ANKS1B: variants seen among roughly 807,000 people sequenced by gnomAD.
The protein encoded by ANKS1B is ankyrin repeat and sterile alpha motif domain containing 1B, also known as ankyrin repeat and sterile alpha motif domain-containing protein 1B.
A neutral mutation model predicts 148.3 loss-of-function variants in ANKS1B; 36 were observed. The ratio of observed to expected loss-of-function variants is 0.24; its 90% CI spans 0.19 to 0.32. ANKS1B has a LOEUF of 0.32. ANKS1B is among the 10% of genes least tolerant of loss of function. The pLI is 1.00. For synonymous variants in ANKS1B, 542 were observed against 560.8 expected, an observed-to-expected ratio of 0.97 and a Z score of 0.47; for missense variants, 1,157 against 1,542.6, an observed-to-expected ratio of 0.75 and a Z score of 4.19.
rs1180350417 is a variant in ANKS1B, at chr12:98,794,772, T to C, written c.3342+4162A>G. 6.0e-5 allele frequency: 75 copies of C among 1,257,250 alleles called. No homozygotes were observed. The East Asian group carries it at 1.3e-3, about 22-fold the overall frequency. 77.9% of individuals were successfully genotyped at this position (1,257,250 alleles called of 1,614,324 possible). A position where few individuals can be genotyped will look rare whatever the true frequency, so the allele number is the denominator to read the frequency against. On this transcript the variant is annotated intron_variant, in intron 22 of 26. Coordinates refer to ENST00000683438, the MANE Select transcript of ANKS1B (RefSeq NM_001352186.2). ...AAAACTACTGATGCAATGAAGAGAA[T>C]TGAAGAGATCAAACAGAAACACGAA...
intron 17 of ANKS1B, among the ~76,000 whole-genome samples, chr12:98,858,082 G>GT (rs2099580922): frequency 6.6e-6 from 1 of 152,162 alleles, no homozygotes; most frequent in Non-Finnish European, 1.5e-5. Context: ...TTGTGTACTG[G>GT]TTTTAATAAT....
At chr12:98,975,563 T>G (rs974811366) in intron 17 of ANKS1B, among the ~76,000 whole-genome samples, 1 of 152,104 alleles carries the variant, frequency 6.6e-6, no homozygotes, top group Admixed American at 6.6e-5. Flanking sequence ...GGAGACAGAT[T>G]ATAAACAAAG....
chr12:99,392,866 A>C (rs1009199600), intron 12 of ANKS1B, among the ~76,000 whole-genome samples: 4 of 149,948 alleles, frequency 2.7e-5, no homozygotes, highest in Admixed American at 1.3e-4. Flanking sequence ...AAAAATCATT[A>C]TCTCAACTAT....
intron 9 of ANKS1B, among the ~76,000 whole-genome samples, chr12:99,630,095 T>C (rs961726462): frequency 1.3e-5 from 2 of 152,028 alleles, no homozygotes; most frequent in African/African-American, 2.4e-5. Context: ...AAATATCAGA[T>C]AGGACAAATA....
intron 25 of ANKS1B, among the ~76,000 whole-genome samples, chr12:98,766,352 T>C (rs1014129905): frequency 6.6e-6 from 1 of 152,212 alleles, no homozygotes; most frequent in Non-Finnish European, 1.5e-5. Context: ...GGCCATTTGC[T>C]CCTCTTAGGA....
chr12:98,907,528 T>C (rs2099781019), intron 17 of ANKS1B, among the ~76,000 whole-genome samples: 1 of 152,186 alleles, frequency 6.6e-6, no homozygotes, highest in Admixed American at 6.5e-5. Context: ...AGAGACCAGC[T>C]TGGATTCAGT....
chr12:99,369,003 C>T (rs1420697820), intron 12 of ANKS1B, among the ~76,000 whole-genome samples: 1 of 152,118 alleles, frequency 6.6e-6, no homozygotes, highest in Non-Finnish European at 1.5e-5. Flanking sequence ...ATGATAAACC[C>T]TTACGTGAAA....
At chr12:99,944,389 T>C (rs1163858584) in intron 1 of ANKS1B, among the ~76,000 whole-genome samples, 2 of 152,184 alleles carry the variant, frequency 1.3e-5, no homozygotes, top group African/African-American at 4.8e-5. Flanking sequence ...TCCTTCCCAG[T>C]GGCCCTTGGC....
chr12:99,865,600 C>T, intron 1 of ANKS1B, among the ~76,000 whole-genome samples: 1 of 152,038 alleles, frequency 6.6e-6, no homozygotes, highest in East Asian at 1.9e-4. Context: ...TGTTTACATG[C>T]AACAGTATTT....
rs1008320986 is a variant in ANKS1B at position 99,407,656 on chromosome 12, G to A, written c.1576-7845C>T. 2.7e-5 allele frequency among the ~76,000 whole-genome samples: 4 copies of A among 146,066 alleles called. No homozygotes were observed. In the South Asian group the frequency reaches 8.4e-4, roughly 31 times the overall value. On this transcript the variant is annotated intron_variant, in intron 11 of 26. Coordinates refer to ENST00000683438, the MANE Select transcript of ANKS1B (RefSeq NM_001352186.2). The stretch of plus-strand genomic sequence containing the variant: ...TAGAACTGATAAATTCAGTAAAGTT[G>A]CAGAATACAAAATCAACATACAAAA...
At position 98,801,307 on chromosome 12, in the gene ANKS1B, T is replaced by C. The variant is rs1365403258; in HGVS notation, c.3142-182A>G. ...TATGTATTAGCATATCTCTCAAGGC[T>C]GAGTTAATTTTTGAGGTGTGGAGTT... is the stretch of plus-strand genomic sequence containing the variant. On this transcript the variant is annotated intron_variant, in intron 20 of 26. Transcript: ENST00000683438. This position sits in a 1 kb window ranked among gnomAD's most constrained non-coding sequence, Gnocchi z 5.2. 6.6e-6 allele frequency among the ~76,000 whole-genome samples: 1 copy of C among 152,208 alleles called. No homozygotes were observed. Among genetic ancestry groups the C allele is most frequent in the Middle Eastern group, 3.2e-3 (1 of 316 alleles).
At chr12:98,980,758 A>C (rs1183340590) in intron 17 of ANKS1B, among the ~76,000 whole-genome samples, 1 of 152,122 alleles carries the variant, frequency 6.6e-6, no homozygotes, top group Non-Finnish European at 1.5e-5. Context: ...GTTTCTAGAT[A>C]TTTGCCCCTC....
chr12:99,136,967 G>C (rs182531440), intron 15 of ANKS1B, among the ~76,000 whole-genome samples: 1 of 152,078 alleles, frequency 6.6e-6, no homozygotes, highest in Non-Finnish European at 1.5e-5. Flanking sequence ...TCAATCAAAC[G>C]GCTAACCAGT....
At chr12:99,546,499 T>G (rs988562179) in intron 9 of ANKS1B, among the ~76,000 whole-genome samples, 13 of 152,150 alleles carry the variant, frequency 8.5e-5, no homozygotes, top group African/African-American at 2.7e-4. Flanking sequence ...AGGGACACAT[T>G]TCACATATCT....
chr12:99,465,874 G>A (rs1013838183), intron 10 of ANKS1B, among the ~76,000 whole-genome samples: 1 of 152,084 alleles, frequency 6.6e-6, no homozygotes, highest in African/African-American at 2.4e-5. Flanking sequence ...GTCAACATTA[G>A]ACAGATCAAC....
At chr12:99,279,571 T>A (rs1447047005) in intron 12 of ANKS1B, among the ~76,000 whole-genome samples, 1 of 151,872 alleles carries the variant, frequency 6.6e-6, no homozygotes, top group African/African-American at 2.4e-5. Context: ...ATCTGTGGGG[T>A]GGGGTGGGGG....
intron 15 of ANKS1B, among the ~76,000 whole-genome samples, chr12:99,110,004 T>C (rs2059982509): frequency 6.6e-6 from 1 of 152,084 alleles, no homozygotes; most frequent in Non-Finnish European, 1.5e-5. Context: ...AAGAGCTAAT[T>C]AGTGACAGAA....
At chr12:98,812,772 C>T (rs761211497) in intron 19 of ANKS1B, among the ~76,000 whole-genome samples, 1 of 152,080 alleles carries the variant, frequency 6.6e-6, no homozygotes, top group African/African-American at 2.4e-5. Flanking sequence ...TGGGGTTTCA[C>T]CATGTTGCCC....
chr12:99,195,830 A>G (rs1457674493), intron 14 of ANKS1B, among the ~76,000 whole-genome samples: 1 of 152,144 alleles, frequency 6.6e-6, no homozygotes, highest in African/African-American at 2.4e-5. Context: ...CCTCCTTAAA[A>G]GAAAGATAAA....
Sources: gnomAD v4.1 joint callset for allele counts (sites outside exome capture counted in the v4.1 genomes callset) on GRCh38, gnomAD v4.1.1 for gene constraint, Gnocchi (gnomAD v3.1) non-coding constraint, MANE v1.5 for transcripts, NCBI Gene and HGNC (gene_info 2026-07-23, HGNC 2026-07-21) for gene names.